Variants in CADM2 observed in about 807,000 individuals in gnomAD.
CADM2 encodes the protein immunoglobulin superfamily member 4D.
In CADM2, 12 loss-of-function variants were observed where a neutral mutation model predicts 49.8. The observed-to-expected ratio is 0.24, with a 90% confidence interval of 0.15 to 0.39. The LOEUF is 0.39. Ranked by LOEUF, CADM2 falls within the 10% of genes least tolerant of loss-of-function variation. The pLI is 1.00. For missense variants in CADM2, 378 were observed against 492.3 expected (o/e 0.77, Z 2.20); for synonymous variants, 214 against 175.4 (o/e 1.22, Z -1.74).
intron 2 of CADM2, among the ~76,000 whole-genome samples, chr3:85,755,914 ACT>A (rs1326124058): frequency 1.3e-5 from 2 of 152,102 alleles, no homozygotes; most frequent in African/African-American, 4.8e-5. Context: ...ACTTGATTAA[ACT>A]CAACATGTAG....
At chr3:85,178,382 G>A (rs1361648707) in intron 1 of CADM2, among the ~76,000 whole-genome samples, 2 of 151,668 alleles carry the variant, frequency 1.3e-5, no homozygotes, top group Non-Finnish European at 3.0e-5. Flanking sequence ...ATAAACCCTT[G>A]GAATAAGCTT....
chr3:85,709,209 G>T (rs1182940214), intron 1 of CADM2, among the ~76,000 whole-genome samples: 1 of 152,002 alleles, frequency 6.6e-6, no homozygotes, highest in Admixed American at 6.6e-5. Flanking sequence ...CCAAAACCAA[G>T]AATTAAGTTA....
chr3:85,657,743 GATATAT>G (rs1229286084), intron 1 of CADM2, among the ~76,000 whole-genome samples: 1 of 68,378 alleles, frequency 1.5e-5, no homozygotes, highest in Non-Finnish European at 3.9e-5. Context: ...TATATATACA[GATATAT>G]ATATATACAC....
chr3:85,604,908 T>G (rs2063505779), intron 1 of CADM2, among the ~76,000 whole-genome samples: 1 of 151,990 alleles, frequency 6.6e-6, no homozygotes, highest in African/African-American at 2.4e-5. Flanking sequence ...TTCCTCTTCA[T>G]GGAAGCTTGC....
chr3:85,167,296 A>G (rs925439497), intron 1 of CADM2, among the ~76,000 whole-genome samples: 2 of 152,120 alleles, frequency 1.3e-5, no homozygotes, highest in Admixed American at 6.6e-5. Flanking sequence ...TCTTAATTCC[A>G]TTTAGCAGTT....
At chr3:85,904,698 T>C (rs576327934) in intron 5 of CADM2, among the ~76,000 whole-genome samples, 6 of 152,216 alleles carry the variant, frequency 3.9e-5, no homozygotes, top group Non-Finnish European at 7.3e-5. Flanking sequence ...GAGCTACTTA[T>C]TTAGCATGAT....
At chr3:86,017,468 A>G (rs913518838) in intron 8 of CADM2, among the ~76,000 whole-genome samples, 8 of 152,080 alleles carry the variant, frequency 5.3e-5, no homozygotes, top group African/African-American at 1.9e-4. Flanking sequence ...ATGGTGGCAC[A>G]TGCCTGTAAT....
chr3:85,230,520 G>T (rs113824409), intron 1 of CADM2, among the ~76,000 whole-genome samples: 4 of 152,154 alleles, frequency 2.6e-5, no homozygotes, highest in African/African-American at 9.7e-5. Context: ...GTGTGAAATT[G>T]TTAATTCGTT....
chr3:85,741,199 C>G (rs555162333), intron 2 of CADM2, among the ~76,000 whole-genome samples: 1 of 152,240 alleles, frequency 6.6e-6, no homozygotes, highest in Non-Finnish European at 1.5e-5. Flanking sequence ...ATATCATCTT[C>G]TATTTCAGTA....
At chr3:85,076,730 G>A (rs888249706) in intron 1 of CADM2, among the ~76,000 whole-genome samples, 1 of 152,058 alleles carries the variant, frequency 6.6e-6, no homozygotes, top group Admixed American at 6.5e-5. Context: ...CCAGCACTTT[G>A]AGAGGTCGAG....
chr3:86,014,874 T>C, intron 8 of CADM2: 1 of 1,541,946 alleles, frequency 6.5e-7, no homozygotes, highest in Non-Finnish European at 8.8e-7. Flanking sequence ...TGTGTATGCA[T>C]TGATGAAGGT....
intron 1 of CADM2, among the ~76,000 whole-genome samples, chr3:84,976,248 T>C (rs574112554): frequency 6.6e-6 from 1 of 151,840 alleles, no homozygotes; most frequent in Non-Finnish European, 1.5e-5. Context: ...AACCATTCCG[T>C]GTTTGATTCA....
At chr3:85,691,942 A>G (rs1258843609) in intron 1 of CADM2, among the ~76,000 whole-genome samples, 2 of 152,140 alleles carry the variant, frequency 1.3e-5, no homozygotes, top group African/African-American at 2.4e-5. Context: ...ACATGGACAC[A>G]GGAAGGGGAA....
At chr3:85,589,669 T>C (rs2063049317) in intron 1 of CADM2, among the ~76,000 whole-genome samples, 1 of 152,080 alleles carries the variant, frequency 6.6e-6, no homozygotes, top group African/African-American at 2.4e-5. Context: ...CAGTTTTCTC[T>C]TTGCTTCTGT....
intron 7 of CADM2, among the ~76,000 whole-genome samples, chr3:85,954,024 T>TA (rs1723756974): frequency 6.6e-6 from 1 of 150,980 alleles, no homozygotes; most frequent in Non-Finnish European, 1.5e-5. Context: ...TATTATATTT[T>TA]AAAATGAGCC....
At chr3:85,184,788 A>G (rs1393484260) in intron 1 of CADM2, among the ~76,000 whole-genome samples, 1 of 152,120 alleles carries the variant, frequency 6.6e-6, no homozygotes, top group Non-Finnish European at 1.5e-5. Flanking sequence ...ATAGTAAGAA[A>G]TTCTAATTTT....
chr3:85,648,000 T>G (rs765502802), intron 1 of CADM2, among the ~76,000 whole-genome samples: 2 of 151,952 alleles, frequency 1.3e-5, no homozygotes, highest in Non-Finnish European at 2.9e-5. Flanking sequence ...TTAATTTTCT[T>G]TCTTTCTTTT....
intron 1 of CADM2, among the ~76,000 whole-genome samples, chr3:85,423,859 C>A (rs2107503858): frequency 6.6e-6 from 1 of 152,190 alleles, no homozygotes; most frequent in Middle Eastern, 3.4e-3. Flanking sequence ...CTTGACAGGT[C>A]CCAAACAATT....
chr3:85,489,699 A>T (rs1413732554), intron 1 of CADM2, among the ~76,000 whole-genome samples: 2 of 151,786 alleles, frequency 1.3e-5, no homozygotes, highest in African/African-American at 2.4e-5. Context: ...AAAAAAACAA[A>T]AAAAAGAACT....
Sources: allele counts gnomAD v4.1 joint callset (sites outside exome capture counted in the v4.1 genomes callset), GRCh38; gene constraint gnomAD v4.1.1; transcripts MANE v1.5; gene names NCBI Gene and HGNC (gene_info 2026-07-23, HGNC 2026-07-21).